Variants in KYAT1 observed in about 807,000 individuals in gnomAD.
KYAT1 encodes kynurenine aminotransferase 1, also known as kynurenine--oxoglutarate transaminase 1.
Under a neutral mutation model 52.4 loss-of-function variants are expected in KYAT1, and 47 were observed. That is an observed-to-expected ratio of 0.90 (90% CI 0.71 to 1.14). KYAT1 has a LOEUF of 1.14. Ranked by LOEUF, KYAT1 falls within the 50% of genes most tolerant of loss-of-function variation. The pLI, the probability that KYAT1 is intolerant of heterozygous loss-of-function variation, is 0.00. For missense variants in KYAT1, 480 were observed against 557.9 expected, an observed-to-expected ratio of 0.86 and a Z score of 1.41; for synonymous variants, 212 against 209.6, an observed-to-expected ratio of 1.01 and a Z score of -0.10.
chr9:128,846,682 T>C (rs1179428845), intron 1 of KYAT1: 1 of 1,520,774 alleles, frequency 6.6e-7, no homozygotes, highest in Admixed American at 2.0e-5. Context: ...TAACCCACCT[T>C]GGCTGGGTGA....
intron 11 of KYAT1, among the ~76,000 whole-genome samples, chr9:128,834,246 A>T (rs1334690420): frequency 6.6e-6 from 1 of 152,114 alleles, no homozygotes; most frequent in Non-Finnish European, 1.5e-5. Context: ...AAAGAGAGAA[A>T]ATCCATCCAA....
intron 1 of KYAT1, among the ~76,000 whole-genome samples, chr9:128,856,335 G>A (rs1463437140): frequency 6.6e-6 from 1 of 152,144 alleles, no homozygotes; most frequent in Non-Finnish European, 1.5e-5. Flanking sequence ...ATTAATCCTT[G>A]TATGTCTGTT....
intron 3 of KYAT1, 46 bp downstream of exon 3, chr9:128,842,608 G>A (rs1331900332): frequency 6.3e-7 from 1 of 1,592,066 alleles, no homozygotes. Flanking sequence ...AGAAAGCCCT[G>A]TCCCCTTCCT....
intron 1 of KYAT1, among the ~76,000 whole-genome samples, chr9:128,865,642 G>A (rs1229952910): frequency 6.6e-6 from 1 of 151,740 alleles, no homozygotes; most frequent in South Asian, 2.1e-4. Flanking sequence ...GATTACAGGC[G>A]TGAGCCACCA....
intron 1 of KYAT1, among the ~76,000 whole-genome samples, chr9:128,856,848 G>C (rs1016365943): frequency 1.3e-5 from 2 of 152,246 alleles, no homozygotes. Context: ...TGTGGGATGA[G>C]AAAGACCTGA....
intron 3 of KYAT1, chr9:128,840,618 ATT>A (rs5900818): frequency 5.5e-3 from 2,139 of 391,574 alleles, no homozygotes; most frequent in South Asian, 7.7e-3. Flanking sequence ...TACCCAAATG[ATT>A]TTTTTTTTTT....
intron 1 of KYAT1, among the ~76,000 whole-genome samples, chr9:128,874,722 C>CCT (rs749975485): frequency 3.6e-4 from 45 of 123,658 alleles, no homozygotes; most frequent in African/African-American, 9.6e-4. Flanking sequence ...ATAATCCTGC[C>CCT]TTTTTTTTTT....
chr9:128,836,131 T>C, intron 7 of KYAT1, 58 bp from the exon 8 acceptor site: 1 of 1,529,598 alleles, frequency 6.5e-7, no homozygotes, highest in Non-Finnish European at 9.0e-7. Context: ...CGGGGGAGGA[T>C]GGTGGTCTGG....
At chr9:128,857,791 A>C (rs1229073464) in intron 1 of KYAT1, among the ~76,000 whole-genome samples, 4 of 152,172 alleles carry the variant, frequency 2.6e-5, no homozygotes, top group Non-Finnish European at 4.4e-5. Flanking sequence ...AGCAGAGATC[A>C]CGCCACTGCA....
At chr9:128,860,979 T>G (rs555047138) in intron 1 of KYAT1, among the ~76,000 whole-genome samples, 1 of 152,188 alleles carries the variant, frequency 6.6e-6, no homozygotes, top group Non-Finnish European at 1.5e-5. Context: ...GACATAATAA[T>G]AATGATAAAG....
rs1472986202 is a variant in KYAT1 at position 128,833,563 on chromosome 9, G to A, written c.*21C>T. Reference sequence around the variant, plus strand: ...CTCTGCGGGCATGTGGGGATGTCAGGGCCAAGGCGTGACTTCAGGGCTAGA... The same window carrying A: ...CTCTGCGGGCATGTGGGGATGTCAGAGCCAAGGCGTGACTTCAGGGCTAGA... On this transcript the variant is annotated 3_prime_UTR_variant, in exon 13 of 13. Coordinates refer to ENST00000302586, the MANE Select transcript of KYAT1 (RefSeq NM_004059.5). 1 of 1,612,874 alleles carries A rather than the reference G, an allele frequency of 6.2e-7. No individual in the cohort carries two copies. Among genetic ancestry groups the A allele is most frequent in the Non-Finnish European group, 8.5e-7 (1 of 1,178,896 alleles).
At position 128,836,792 on chromosome 9, in the gene KYAT1, C is replaced by T; in HGVS notation, c.688+10G>A. 1 of 1,612,182 alleles carries T rather than the reference C, an allele frequency of 6.2e-7. No homozygotes were observed. On this transcript the variant is annotated intron_variant, in intron 7 of 12. Transcript: ENST00000302586. ...GTGCAGGGGAGGGGCCCCAGGCTGG[C>T]TTGGCTCACCAATGCTGATGTGCTG...
rs180955111 is a variant in KYAT1, at chr9:128,851,510, A to G, written c.-6-6099T>C. Reference sequence around the variant, plus strand: ...TTCAAACAATAGAACAATTCTGCCCATGGTTTCCAGAACAAGGAACTTTAG... The same window carrying G: ...TTCAAACAATAGAACAATTCTGCCCGTGGTTTCCAGAACAAGGAACTTTAG... On this transcript the variant is annotated intron_variant, in intron 1 of 12. Transcript: ENST00000302586. Among the ~76,000 whole-genome samples the G allele has an allele frequency of 1.7e-4, 26 of 152,348 alleles. No individual in the cohort carries two copies. The South Asian group carries it at 4.8e-3, about 28-fold the overall frequency.
chr9:128,838,415 C>T (rs12336854), intron 3 of KYAT1, 48 bp from the exon 4 acceptor site: 1 of 1,610,272 alleles, frequency 6.2e-7, no homozygotes, highest in Non-Finnish European at 8.5e-7. Flanking sequence ...TGGGCCCATC[C>T]TCCGGCCCAG....
chr9:128,852,551 A>G (rs1343526306), intron 1 of KYAT1, among the ~76,000 whole-genome samples: 1 of 152,228 alleles, frequency 6.6e-6, no homozygotes, highest in East Asian at 1.9e-4. Flanking sequence ...TGCAGAAACA[A>G]GAGACAAATT....
intron 6 of KYAT1, among the ~76,000 whole-genome samples, chr9:128,837,216 C>G (rs994196068): frequency 6.6e-6 from 1 of 152,172 alleles, no homozygotes; most frequent in Non-Finnish European, 1.5e-5. Flanking sequence ...ATTGCTTGAA[C>G]CCAGGAGGCA....
Position 128,834,789 on chromosome 9 carries a change from G to A in KYAT1, c.1122+534C>T, listed in dbSNP as rs570850274. On this transcript the variant is annotated intron_variant, in intron 11 of 12. Transcript: ENST00000302586. ...GGAGGTTGCAGTGTGCTGAGATTGC[G>A]CCACTGCACTCCCACCTAGGCGACA... is the stretch of plus-strand genomic sequence containing the variant. Among the ~76,000 whole-genome samples the A allele has an allele frequency of 3.1e-5, 4 of 129,740 alleles. No homozygotes were observed. The Admixed American group carries it at 3.6e-4, about 12-fold the overall frequency. 85.1% of individuals were successfully genotyped at this position (129,740 alleles called of 152,430 possible).
chr9:128,843,605 C>T (rs544994790), intron 2 of KYAT1, among the ~76,000 whole-genome samples: 1 of 152,246 alleles, frequency 6.6e-6, no homozygotes, highest in South Asian at 2.1e-4. Flanking sequence ...TCTCGAACTC[C>T]TGACCTCAGG....
intron 1 of KYAT1, chr9:128,847,385 A>G (rs1833269876): frequency 7.7e-7 from 1 of 1,300,306 alleles, no homozygotes; most frequent in African/African-American, 1.5e-5. Flanking sequence ...CAGACCCCAG[A>G]AGCCCCAGGC....
Sources: gnomAD v4.1 joint callset for allele counts (sites outside exome capture counted in the v4.1 genomes callset) on GRCh38, gnomAD v4.1.1 for gene constraint, MANE v1.5 for transcripts, NCBI Gene and HGNC (gene_info 2026-07-23, HGNC 2026-07-21) for gene names.